XPR1: variants seen among roughly 807,000 people sequenced by gnomAD.
The protein encoded by XPR1 is solute carrier family 53 member 1.
In XPR1, 28 loss-of-function variants were observed where a neutral mutation model predicts 87.5. The observed-to-expected ratio is 0.32, with a 90% CI of 0.24 to 0.44. XPR1 has a LOEUF of 0.44. Among genes scored for constraint, XPR1 ranks in the 20% least tolerant of loss-of-function variants. The pLI is 1.00. For synonymous variants in XPR1, 300 were observed against 306.1 expected, an observed-to-expected ratio of 0.98 and a Z score of 0.21; for missense variants, 559 against 862.3, an observed-to-expected ratio of 0.65 and a Z score of 4.41.
intron 1 of XPR1, among the ~76,000 whole-genome samples, chr1:180,636,364 C>T (rs1654757607): frequency 6.6e-6 from 1 of 152,170 alleles, no homozygotes; most frequent in African/African-American, 2.4e-5. Flanking sequence ...TAAGATAACA[C>T]TTGTAAATGA....
chr1:180,804,103 G>A (rs545238730), intron 4 of XPR1, among the ~76,000 whole-genome samples: 15 of 151,322 alleles, frequency 9.9e-5, no homozygotes, highest in African/African-American at 3.6e-4. Flanking sequence ...CTCCTACCTC[G>A]GCCTCCTGAG....
chr1:180,801,592 AAG>A (rs751378650), intron 3 of XPR1, among the ~76,000 whole-genome samples: 1 of 152,180 alleles, frequency 6.6e-6, no homozygotes, highest in Admixed American at 6.5e-5. Context: ...CTCTAGGAGA[AAG>A]AGAGAGTGAA....
chr1:180,766,776 C>T (rs1396745732), intron 2 of XPR1, among the ~76,000 whole-genome samples: 1 of 152,088 alleles, frequency 6.6e-6, no homozygotes, highest in East Asian at 1.9e-4. Flanking sequence ...CCTAACTTAG[C>T]ATCTATTTTT....
intron 2 of XPR1, among the ~76,000 whole-genome samples, chr1:180,738,669 T>G (rs1658813752): frequency 6.6e-6 from 1 of 152,236 alleles, no homozygotes; most frequent in Non-Finnish European, 1.5e-5. Context: ...TTAAACATCT[T>G]TTTATATGCT....
At chr1:180,658,768 A>G (rs1655628504) in intron 1 of XPR1, among the ~76,000 whole-genome samples, 2 of 148,232 alleles carry the variant, frequency 1.3e-5, no homozygotes, top group African/African-American at 5.0e-5. Context: ...ACGGGGTTTC[A>G]TCGTGTTAGG....
intron 1 of XPR1, among the ~76,000 whole-genome samples, chr1:180,632,525 CGGGCCG>C: frequency 6.6e-6 from 1 of 152,230 alleles, no homozygotes; most frequent in South Asian, 2.1e-4. Flanking sequence ...AGGCGCTGCC[CGGGCCG>C]GGGCCGGGGC....
intron 2 of XPR1, among the ~76,000 whole-genome samples, chr1:180,722,307 G>A (rs1225891138): frequency 1.3e-5 from 2 of 151,984 alleles, no homozygotes; most frequent in Non-Finnish European, 2.9e-5. Context: ...TCTTGGTCAG[G>A]CTGGTCTTGA....
At chr1:180,671,650 G>A (rs955892638) in intron 1 of XPR1, among the ~76,000 whole-genome samples, 13 of 152,034 alleles carry the variant, frequency 8.6e-5, no homozygotes, top group Non-Finnish European at 1.3e-4. Flanking sequence ...TCAGCCTTGG[G>A]ATTACATGTG....
At chr1:180,762,060 G>T (rs1648058576) in intron 2 of XPR1, among the ~76,000 whole-genome samples, 1 of 142,904 alleles carries the variant, frequency 7.0e-6, no homozygotes, top group Non-Finnish European at 1.5e-5. Context: ...TCATAGGTGG[G>T]AATCGAACAC....
chr1:180,880,099 G>A lies in XPR1; in HGVS notation c.1832G>A (p.Arg611His). 1.2e-6 allele frequency: 2 copies of A among 1,614,098 alleles called. No individual in the cohort carries two copies. The highest frequency in any genetic ancestry group is 1.7e-6 in the Non-Finnish European group (2 of 1,180,034). ...AGGCGATTTGTGTGGAACTTCTTCC[G>A]CCTGGAGAATGAACATCTGAATAAC... Reference protein sequence around the residue: ...VFRRFVWNFFRLENEHLNNCG... With the variant: ...VFRRFVWNFFHLENEHLNNCG... Residue 611 changes from arginine to histidine, a missense_variant, in exon 14 of 15, where the codon CGC becomes CAC. By Grantham distance (29) the Arg-to-His change is conservative. Around this residue, in one of 7 missense-constraint regions of XPR1, gnomAD observed 2 missense variants for 22.9 expected, o/e 0.09. Coordinates refer to ENST00000367590, the MANE Select transcript of XPR1 (RefSeq NM_004736.4).
intron 1 of XPR1, among the ~76,000 whole-genome samples, chr1:180,680,974 C>T (rs1251239273): frequency 6.6e-6 from 1 of 152,194 alleles, no homozygotes; most frequent in Non-Finnish European, 1.5e-5. Flanking sequence ...TTAAACACCA[C>T]ATGTTCTCAC....
chr1:180,836,848 A>C, intron 11 of XPR1, 132 bp downstream of exon 11: 2 of 1,039,360 alleles, frequency 1.9e-6, no homozygotes, highest in Non-Finnish European at 2.8e-6. Context: ...TCCTTCAGTT[A>C]TATCAGTTTG....
chr1:180,713,466 T>G (rs1657879526), intron 2 of XPR1, among the ~76,000 whole-genome samples: 1 of 152,180 alleles, frequency 6.6e-6, no homozygotes, highest in African/African-American at 2.4e-5. Context: ...CTTTCCAAGC[T>G]GGGTGCCTTT....
At chr1:180,652,295 A>G (rs865786534) in intron 1 of XPR1, among the ~76,000 whole-genome samples, 1 of 151,238 alleles carries the variant, frequency 6.6e-6, no homozygotes, top group Non-Finnish European at 1.5e-5. Flanking sequence ...CTCCATCTCA[A>G]AAAAAAAAGA....
intron 2 of XPR1, among the ~76,000 whole-genome samples, chr1:180,771,639 T>A (rs1648517600): frequency 6.6e-6 from 1 of 152,204 alleles, no homozygotes; most frequent in Admixed American, 6.5e-5. Context: ...GTCATGACTT[T>A]AACACTTTGA....
chr1:180,694,282 TA>T (rs895374306), intron 2 of XPR1, among the ~76,000 whole-genome samples: 1 of 152,110 alleles, frequency 6.6e-6, no homozygotes, highest in Non-Finnish European at 1.5e-5. Flanking sequence ...CTTTTACATT[TA>T]AAAAAATATT....
intron 1 of XPR1, among the ~76,000 whole-genome samples, chr1:180,663,624 A>G (rs1192558446): frequency 6.6e-6 from 1 of 152,124 alleles, no homozygotes. Flanking sequence ...TTTCTGAAGG[A>G]CTGCTATAAC....
In XPR1 at chr1:180,641,068, AACTCTGAAGCCAGTCTAC is replaced by A. The variant is rs565671480; in HGVS notation, c.69+8799_69+8816del. Reference sequence around the variant, plus strand: ...AGTATATTAATAACACATAGAAAAAAACTCTGAAGCCAGTCTACCTAAGTTTATATTCCAGCTCCACCA... The same window carrying A: ...AGTATATTAATAACACATAGAAAAAACTAAGTTTATATTCCAGCTCCACCA... On this transcript the variant is annotated intron_variant, in intron 1 of 14. Coordinates refer to ENST00000367590, the MANE Select transcript of XPR1 (RefSeq NM_004736.4). 1.5e-3 allele frequency among the ~76,000 whole-genome samples: 234 copies of A among 152,284 alleles called. 2 individuals are homozygous for A. The highest frequency in any genetic ancestry group is 5.5e-3 in the African/African-American group (229 of 41,554).
intron 3 of XPR1, among the ~76,000 whole-genome samples, chr1:180,795,001 A>T (rs1649517328): frequency 6.6e-6 from 1 of 152,228 alleles, no homozygotes; most frequent in Non-Finnish European, 1.5e-5. Flanking sequence ...AATGCATGTA[A>T]TGTAACAAAG....
Sources: gnomAD v4.1 joint callset for allele counts (sites outside exome capture counted in the v4.1 genomes callset) on GRCh38, gnomAD v4.1.1 for gene constraint, gnomAD v4.1.1 regional missense constraint, MANE v1.5 for transcripts, NCBI Gene and HGNC (gene_info 2026-07-23, HGNC 2026-07-21) for gene names.